CEP43: variants seen among roughly 807,000 people sequenced by gnomAD.
The protein encoded by CEP43 is centrosomal protein 43, also known as FGFR1 oncogene partner.
A neutral mutation model predicts 52.6 loss-of-function variants in CEP43; 36 were observed. That is an observed-to-expected ratio of 0.68 (90% CI 0.52 to 0.90). CEP43 has a LOEUF of 0.90. CEP43 is among the 40% of genes least tolerant of loss of function. CEP43 has a pLI of 0.00. For missense variants in CEP43, 506 were observed against 472.8 expected, an observed-to-expected ratio of 1.07 and a Z score of -0.65; for synonymous variants, 192 against 172.4, an observed-to-expected ratio of 1.11 and a Z score of -0.89.
chr6:167,019,377 G>A (rs911361091), intron 7 of CEP43, among the ~76,000 whole-genome samples: 1 of 152,176 alleles, frequency 6.6e-6, no homozygotes, highest in African/African-American at 2.4e-5. Context: ...CGTTTTCAGT[G>A]CTTTGGTTTT....
chr6:167,007,120 A>G (rs1478593230), intron 5 of CEP43, among the ~76,000 whole-genome samples: 1 of 151,998 alleles, frequency 6.6e-6, no homozygotes, highest in Non-Finnish European at 1.5e-5. Flanking sequence ...GGAAGGATTC[A>G]CTCTCCACCT....
chr6:167,000,170 C>T (rs56266102), intron 2 of CEP43, 57 bp downstream of exon 2: 22,956 of 1,301,692 alleles, frequency 0.018, 363 homozygotes, highest in East Asian at 0.076. Flanking sequence ...ATTTCTTATT[C>T]ATTAAAAACC....
At chr6:167,021,689 C>T (rs757993618) in intron 7 of CEP43, among the ~76,000 whole-genome samples, 1 of 151,970 alleles carries the variant, frequency 6.6e-6, no homozygotes, top group Non-Finnish European at 1.5e-5. Flanking sequence ...TTTTTTATAA[C>T]ATTGATGTTA....
At chr6:167,023,983 C>T (rs1409907859) in intron 8 of CEP43, among the ~76,000 whole-genome samples, 3 of 152,006 alleles carry the variant, frequency 2.0e-5, no homozygotes, top group African/African-American at 7.3e-5. Context: ...GGCTGAAAAA[C>T]GTGTTTAGGT....
intron 10 of CEP43, 98 bp downstream of exon 10, chr6:167,026,713 C>T (rs1267169967): frequency 1.4e-6 from 1 of 706,874 alleles, no homozygotes; most frequent in Non-Finnish European, 2.5e-6. Flanking sequence ...CGCTGAGCAC[C>T]TTCCTGCTGC....
intron 5 of CEP43, among the ~76,000 whole-genome samples, chr6:167,006,051 T>C (rs553477190): frequency 2.8e-4 from 43 of 152,314 alleles, no homozygotes; most frequent in Admixed American, 6.5e-4. Flanking sequence ...TCAGCCTCCG[T>C]GTGCCCAGGT....
At chr6:166,999,756 T>C in intron 1 of CEP43, 1 of 513,600 alleles carries the variant, frequency 1.9e-6, no homozygotes, top group Non-Finnish European at 3.4e-6. Context: ...CCTGCCTCAT[T>C]CCGTGGGGGC....
In CEP43 at chr6:167,009,127, C is replaced by T. The variant is rs1022092317; in HGVS notation, c.439-1686C>T. ...AAAATTAATGTTGGGCGCGGTGGCT[C>T]ATGCCTGTAATCCCAGCGCTTTGGG... On this transcript the variant is annotated intron_variant, in intron 5 of 12. Coordinates refer to ENST00000366847, the MANE Select transcript of CEP43 (RefSeq NM_007045.4). 1.5e-4 allele frequency among the ~76,000 whole-genome samples: 7 copies of T among 46,984 alleles called. No homozygotes were observed. In the East Asian group the frequency reaches 5.4e-3, roughly 36 times the overall value. 30.8% of individuals were successfully genotyped at this position (46,984 alleles called of 152,430 possible). A position where few individuals can be genotyped will look rare whatever the true frequency, so the allele number is the denominator to read the frequency against.
intron 5 of CEP43, among the ~76,000 whole-genome samples, 186 bp from the exon 6 acceptor site, chr6:167,010,611 AGGTAATTAGAATCTAG>A (rs965605647): frequency 5.3e-5 from 8 of 152,214 alleles, no homozygotes; most frequent in African/African-American, 1.9e-4. Flanking sequence ...AATATTTTGC[AGGTAATTAGAATCTAG>A]GGATGTGTAG....
At chr6:167,002,765 G>A (rs1004940347) in intron 2 of CEP43, among the ~76,000 whole-genome samples, 8 of 152,306 alleles carry the variant, frequency 5.3e-5, no homozygotes, top group African/African-American at 1.4e-4. Flanking sequence ...CCTATGGGCC[G>A]CATAAGATCA....
In CEP43 at chr6:167,040,882, C is replaced by T. The variant is rs1448074537; in HGVS notation, c.*904C>T. 3 of 1,023,386 alleles carry T rather than the reference C, an allele frequency of 2.9e-6. No homozygotes were observed. The highest frequency in any genetic ancestry group is 1.7e-5 in the African/African-American group (1 of 58,874). 63.4% of individuals were successfully genotyped at this position (1,023,386 alleles called of 1,614,324 possible). A position where few individuals can be genotyped will look rare whatever the true frequency, so the allele number is the denominator to read the frequency against. On this transcript the variant is annotated 3_prime_UTR_variant, in exon 13 of 13. Coordinates refer to ENST00000366847, the MANE Select transcript of CEP43 (RefSeq NM_007045.4). ...AGTTTGACAAGCTTTATATACTGTA[C>T]ATAATTTCATTGTAACCCTTAAAAA...
intron 7 of CEP43, 134 bp downstream of exon 7, chr6:167,013,701 A>G: frequency 4.3e-6 from 3 of 697,578 alleles, no homozygotes; most frequent in Non-Finnish European, 4.9e-6. Context: ...AGGCTGGGCT[A>G]GGTGGCTCAC....
chr6:167,020,655 T>C (rs1220608881), intron 7 of CEP43, among the ~76,000 whole-genome samples: 1 of 152,174 alleles, frequency 6.6e-6, no homozygotes, highest in Admixed American at 6.5e-5. Context: ...ACGCCTGTAA[T>C]CCCAGCACTT....
chr6:167,002,007 C>A (rs1779747467), intron 2 of CEP43, among the ~76,000 whole-genome samples: 1 of 152,146 alleles, frequency 6.6e-6, no homozygotes, highest in African/African-American at 2.4e-5. Context: ...TCTCTCCTCT[C>A]CTTGTCTTTT....
At position 167,042,814 on chromosome 6, in the gene CEP43, T is replaced by TTTGTGTGTGTGTGTG. The variant is rs1491238002; in HGVS notation, c.*2837_*2838insTGTGTGTGTGTGTGT. On this transcript the variant is annotated 3_prime_UTR_variant, in exon 13 of 13. Transcript: ENST00000366847. ...ATACTCTGAAATGGTCTTGCTTATT[T>TTTGTGTGTGTGTGTG]TGTGTGTGTGTGTGTGTGTGTGTGT... The TTTGTGTGTGTGTGTG allele has an allele frequency of 1.5e-5, 2 of 137,900 alleles. No individual in the cohort carries two copies. The highest frequency in any genetic ancestry group is 7.5e-5 in the Admixed American group (1 of 13,294). The allele number at this position is 137,900 out of a possible 1,614,324, so 8.5% of individuals were successfully genotyped here.
chr6:167,023,437 G>A (rs551194035), intron 8 of CEP43, among the ~76,000 whole-genome samples: 1 of 152,326 alleles, frequency 6.6e-6, no homozygotes, highest in East Asian at 1.9e-4. Context: ...TTGGAAACAC[G>A]TTAGATGAAG....
At position 167,044,605 on chromosome 6, in the gene CEP43, A is replaced by G. The variant is rs76017401; in HGVS notation, c.*4627A>G. 2.0e-3 allele frequency: 1,808 copies of G among 913,552 alleles called. 9 individuals carry two copies. The Middle Eastern group carries it at 0.021, about 11-fold the overall frequency. The allele number at this position is 913,552 out of a possible 1,614,324, so 56.6% of individuals were successfully genotyped here. A position where few individuals can be genotyped will look rare whatever the true frequency, so the allele number is the denominator to read the frequency against. ...GGAGGGACAGCGTTTTTGAATGTGA[A>G]ATTTATTCCCTGATACATGTTTTTA... On this transcript the variant is annotated 3_prime_UTR_variant, in exon 13 of 13. Coordinates refer to ENST00000366847, the MANE Select transcript of CEP43 (RefSeq NM_007045.4).
At position 167,051,130 on chromosome 6, in the gene CEP43, G is replaced by A. The variant is rs1780865416; in HGVS notation, c.*11152G>A. The A allele has an allele frequency of 6.6e-6, 1 of 152,092 alleles. No homozygotes were observed. Among genetic ancestry groups the A allele is most frequent in the Non-Finnish European group, 1.5e-5 (1 of 68,024 alleles). 9.4% of individuals were successfully genotyped at this position (152,092 alleles called of 1,614,324 possible). On this transcript the variant is annotated 3_prime_UTR_variant, in exon 13 of 13. Coordinates refer to ENST00000366847, the MANE Select transcript of CEP43 (RefSeq NM_007045.4). Reference sequence around the variant, plus strand: ...ATTCAAGAGGTACAGGTTCAAGTAGGGCCATCTGGTTGTCAGAAATGCAAA... The same window carrying A: ...ATTCAAGAGGTACAGGTTCAAGTAGAGCCATCTGGTTGTCAGAAATGCAAA...
In CEP43 at chr6:167,006,519, G is replaced by T. The variant is rs551113142; in HGVS notation, c.438+2118G>T. On this transcript the variant is annotated intron_variant, in intron 5 of 12. Coordinates refer to ENST00000366847, the MANE Select transcript of CEP43 (RefSeq NM_007045.4). ...GAGCGAGACTCCATCTCAAAAAAAA[G>T]AAAAAAAGAAAATATTTGGATAAAA... Among the ~76,000 whole-genome samples the T allele has an allele frequency of 5.7e-4, 86 of 151,548 alleles. 1 individual carries two copies. Among genetic ancestry groups the T allele is most frequent in the African/African-American group, 2.1e-3 (85 of 41,298 alleles).
Sources: allele counts gnomAD v4.1 joint callset (sites outside exome capture counted in the v4.1 genomes callset), GRCh38; gene constraint gnomAD v4.1.1; transcripts MANE v1.5; gene names NCBI Gene and HGNC (gene_info 2026-07-23, HGNC 2026-07-21).